Variants in NOPCHAP1 observed in about 807,000 individuals in gnomAD.
The protein encoded by NOPCHAP1 is DNA damage-sensitive RNA 1.
Under a neutral mutation model 14.0 loss-of-function variants are expected in NOPCHAP1, and 13 were observed. The observed-to-expected ratio is 0.93, with a 90% confidence interval of 0.60 to 1.47. The LOEUF (loss-of-function observed/expected upper bound fraction) is 1.47. Among genes scored for constraint, NOPCHAP1 ranks in the 40% most tolerant of loss-of-function variants. The pLI, the probability that NOPCHAP1 is intolerant of heterozygous loss-of-function variation, is 0.00. For missense variants in NOPCHAP1, 230 were observed against 226.9 expected (o/e 1.01, Z -0.09); for synonymous variants, 78 against 78.4 (o/e 1.00, Z 0.03).
rs1873568204 is a variant in NOPCHAP1, at chr12:104,999,562, G to A, written c.*4866G>A. 1 of 152,388 alleles carries A rather than the reference G, an allele frequency of 6.6e-6. No individual in the cohort carries two copies. The highest frequency in any genetic ancestry group is 1.9e-4 in the East Asian group (1 of 5,202). 9.4% of individuals were successfully genotyped at this position (152,388 alleles called of 1,614,324 possible). A position where few individuals can be genotyped will look rare whatever the true frequency, so the allele number is the denominator to read the frequency against. ...TTTTCAAGTCTGATAGTTCCTCTAG[G>A]GTTGAAGTCTCTTAGGGGAGCAAGG... On this transcript the variant is annotated 3_prime_UTR_variant, in exon 4 of 4. Transcript: ENST00000552951.
intron 3 of NOPCHAP1, among the ~76,000 whole-genome samples, chr12:104,993,374 A>C (rs556977382): frequency 2.4e-4 from 36 of 152,000 alleles, no homozygotes; most frequent in South Asian, 4.2e-4. Flanking sequence ...GGGAAAAAAA[A>C]CCTCCAGGAT....
chr12:104,997,996 T>C lies in NOPCHAP1; in HGVS notation c.*3300T>C, dbSNP rs535752087. 2.0e-5 allele frequency: 3 copies of C among 152,378 alleles called. No homozygotes were observed. Among genetic ancestry groups the C allele is most frequent in the African/African-American group, 7.2e-5 (3 of 41,596 alleles). The allele number at this position is 152,378 out of a possible 1,614,324, so 9.4% of individuals were successfully genotyped here. ...TTTGGTCAATTCTGCTGTTAATACT[T>C]GTGATTGCATTATGCAATTCTTGTA... On this transcript the variant is annotated 3_prime_UTR_variant, in exon 4 of 4. Coordinates refer to ENST00000552951, the MANE Select transcript of NOPCHAP1 (RefSeq NM_152318.3).
chr12:104,991,455 T>C (rs1256631651), intron 2 of NOPCHAP1, among the ~76,000 whole-genome samples: 1 of 152,204 alleles, frequency 6.6e-6, no homozygotes, highest in Non-Finnish European at 1.5e-5. Flanking sequence ...AGTTACTATT[T>C]GTTGAATGCC....
Position 105,007,291 on chromosome 12 carries a change from A to T in NOPCHAP1, c.*12595A>T, listed in dbSNP as rs1290937951. 2 of 152,202 alleles carry T rather than the reference A, an allele frequency of 1.3e-5. No individual in the cohort carries two copies. Among genetic ancestry groups the T allele is most frequent in the African/African-American group, 2.4e-5 (1 of 41,444 alleles). The allele number at this position is 152,202 out of a possible 1,614,324, so 9.4% of individuals were successfully genotyped here. ...CTAGCGTAGCTGCAGCAATGGCTTC[A>T]CAAATTTCCTTTTCTTTTTAACAAT... On this transcript the variant is annotated 3_prime_UTR_variant, in exon 4 of 4. Transcript: ENST00000552951.
chr12:104,987,254 AAACT>A (rs1266156735), intron 1 of NOPCHAP1, among the ~76,000 whole-genome samples: 3 of 152,240 alleles, frequency 2.0e-5, no homozygotes, highest in South Asian at 4.1e-4. Context: ...TATGCCCCAG[AAACT>A]AACTCATCTA....
chr12:104,997,824 C>T lies in NOPCHAP1; in HGVS notation c.*3128C>T, dbSNP rs1873528039. 1 of 152,210 alleles carries T rather than the reference C, an allele frequency of 6.6e-6. No individual in the cohort carries two copies. The highest frequency in any genetic ancestry group is 2.1e-4 in the South Asian group (1 of 4,826). The allele number at this position is 152,210 out of a possible 1,614,324, so 9.4% of individuals were successfully genotyped here. A position where few individuals can be genotyped will look rare whatever the true frequency, so the allele number is the denominator to read the frequency against. ...AAAGTTGCTTGGTTTCTCTCCCTTT[C>T]AGTCACATCAATGAGTCATAGATTG... On this transcript the variant is annotated 3_prime_UTR_variant, in exon 4 of 4. Transcript: ENST00000552951.
intron 3 of NOPCHAP1, 110 bp downstream of exon 3, chr12:104,991,958 A>G: frequency 1.6e-6 from 2 of 1,255,138 alleles, no homozygotes; most frequent in Non-Finnish European, 1.1e-6. Context: ...GTGTTAGCTC[A>G]TGTTTCCAAT....
rs1873638311 is a variant in NOPCHAP1, at chr12:105,002,934, A to T, written c.*8238A>T. On this transcript the variant is annotated 3_prime_UTR_variant, in exon 4 of 4. Coordinates refer to ENST00000552951, the MANE Select transcript of NOPCHAP1 (RefSeq NM_152318.3). Reference sequence around the variant, plus strand: ...GCATTTGTCTAACTTGCCTTTTCTCATTATCTTTAGAATGAAAGAGTAGTT... The same window carrying T: ...GCATTTGTCTAACTTGCCTTTTCTCTTTATCTTTAGAATGAAAGAGTAGTT... 6.6e-6 allele frequency: 1 copy of T among 152,226 alleles called. No individual in the cohort carries two copies. The highest frequency in any genetic ancestry group is 6.5e-5 in the Admixed American group (1 of 15,288). The allele number at this position is 152,226 out of a possible 1,614,324, so 9.4% of individuals were successfully genotyped here. A position where few individuals can be genotyped will look rare whatever the true frequency, so the allele number is the denominator to read the frequency against.
chr12:105,000,492 C>G lies in NOPCHAP1; in HGVS notation c.*5796C>G, dbSNP rs1163764706. On this transcript the variant is annotated 3_prime_UTR_variant, in exon 4 of 4. Transcript: ENST00000552951. ...GCAAATTATGGTCCTATGGATTTTC[C>G]TGTAAGGAAAAGGAAAGATTAAGAC... 6.6e-6 allele frequency: 1 copy of G among 151,916 alleles called. No homozygotes were observed. The highest frequency in any genetic ancestry group is 2.4e-5 in the African/African-American group (1 of 41,342). The allele number at this position is 151,916 out of a possible 1,614,324, so 9.4% of individuals were successfully genotyped here.
intron 2 of NOPCHAP1, among the ~76,000 whole-genome samples, chr12:104,989,132 A>G (rs796747929): frequency 4.6e-5 from 7 of 151,842 alleles, no homozygotes; most frequent in African/African-American, 1.7e-4. Flanking sequence ...TAGCTGTTCT[A>G]GTGTGGATAT....
chr12:104,997,628 T>G lies in NOPCHAP1; in HGVS notation c.*2932T>G, dbSNP rs1235315633. On this transcript the variant is annotated 3_prime_UTR_variant, in exon 4 of 4. Transcript: ENST00000552951. ...ACTTGCCCCTTCTCTCTCACTGCCT[T>G]TAGCATTTTTTCTTTCATTTCCACC... 6.6e-6 allele frequency: 1 copy of G among 152,230 alleles called. No individual in the cohort carries two copies. Among genetic ancestry groups the G allele is most frequent in the Non-Finnish European group, 1.5e-5 (1 of 68,048 alleles). 9.4% of individuals were successfully genotyped at this position (152,230 alleles called of 1,614,324 possible). A position where few individuals can be genotyped will look rare whatever the true frequency, so the allele number is the denominator to read the frequency against.
chr12:104,994,499 A>G lies in NOPCHAP1; in HGVS notation c.361A>G (p.Asn121Asp). 6.2e-7 allele frequency: 1 copy of G among 1,614,056 alleles called. No homozygotes were observed. The highest frequency in any genetic ancestry group is 8.5e-7 in the Non-Finnish European group (1 of 1,179,984). Residue 121 changes from asparagine to aspartate, a missense_variant, in exon 4 of 4, where the codon AAT (asparagine) becomes GAT (aspartate). Transcript: ENST00000552951. ...GCAGGATGTGGCTTTGTTTGAGATG[A>G]ATCAGTCGGATTCAAAAGAAGTGGA... Reference protein sequence around the residue: ...IQMDVALFEMNQSDSKEVDSS... With the variant: ...IQMDVALFEMDQSDSKEVDSS...
rs571863852 is a variant in NOPCHAP1, at chr12:104,994,469, T to C, written c.340-9T>C. 56 of 1,613,088 alleles carry C rather than the reference T, an allele frequency of 3.5e-5. 1 individual carries two copies. In the South Asian group the frequency reaches 6.0e-4, roughly 17 times the overall value. ...CTGAAATAGATTTCCTGTCCACTAC[T>C]TTTTGCAGGATGTGGCTTTGTTTGA... On this transcript the variant is annotated splice_polypyrimidine_tract_variant and intron_variant, in intron 3 of 3. Transcript: ENST00000552951.
At position 104,991,785 on chromosome 12, in the gene NOPCHAP1, TG is replaced by T. The variant is rs1238890903; in HGVS notation, c.277del (p.Ala93HisfsTer28). The T allele has an allele frequency of 6.2e-7, 1 of 1,613,726 alleles. No individual in the cohort carries two copies. The highest frequency in any genetic ancestry group is 2.2e-5 in the East Asian group (1 of 44,842). On this transcript the variant is annotated frameshift_variant, in exon 3 of 4. Transcript: ENST00000552951. LOFTEE classifies it high-confidence loss of function. ...NEKLRKEMAA[A>X]PPGRFNIENI... ...AAAAGCTAAGAAAAGAAATGGCAGC[TG>T]CACCACCTGGTCGTTTCAATATTGA...
intron 2 of NOPCHAP1, among the ~76,000 whole-genome samples, chr12:104,989,862 CTTCTATATTGTCTAATCTGTTAA>C (rs1251810108): frequency 6.6e-6 from 1 of 152,050 alleles, no homozygotes; most frequent in Non-Finnish European, 1.5e-5. Context: ...GTTCACTATT[CTTCTATATTGTCTAATCTGTTAA>C]TTCTATCAAA....
At position 105,003,780 on chromosome 12, in the gene NOPCHAP1, A is replaced by G. The variant is rs1209733358; in HGVS notation, c.*9084A>G. 3 of 152,254 alleles carry G rather than the reference A, an allele frequency of 2.0e-5. No homozygotes were observed. Among genetic ancestry groups the G allele is most frequent in the Non-Finnish European group, 4.4e-5 (3 of 68,036 alleles). 9.4% of individuals were successfully genotyped at this position (152,254 alleles called of 1,614,324 possible). A position where few individuals can be genotyped will look rare whatever the true frequency, so the allele number is the denominator to read the frequency against. ...TCTGTGGCACAGAGAGTATGCTTTT[A>G]TAAGTATAAATTGAACTTGGAAGTA... On this transcript the variant is annotated 3_prime_UTR_variant, in exon 4 of 4. Transcript: ENST00000552951.
chr12:104,990,993 G>A (rs370661956), intron 2 of NOPCHAP1, among the ~76,000 whole-genome samples: 23 of 152,290 alleles, frequency 1.5e-4, no homozygotes, highest in African/African-American at 1.9e-4. Context: ...AATCTAGAGC[G>A]TACTCTTCCC....
Position 105,003,017 on chromosome 12 carries a change from C to T in NOPCHAP1, c.*8321C>T, listed in dbSNP as rs549337307. The T allele has an allele frequency of 3.3e-5, 5 of 152,124 alleles. No homozygotes were observed. The highest frequency in any genetic ancestry group is 7.4e-5 in the Non-Finnish European group (5 of 68,018). 9.4% of individuals were successfully genotyped at this position (152,124 alleles called of 1,614,324 possible). ...GGTAAAGATGGGTAAAGAGAAAGAA[C>T]AAAACAGGTTTGAATCAGTCAAGAT... On this transcript the variant is annotated 3_prime_UTR_variant, in exon 4 of 4. Transcript: ENST00000552951.
rs1422146254 is a variant in NOPCHAP1 at position 104,997,055 on chromosome 12, C to G, written c.*2359C>G. On this transcript the variant is annotated 3_prime_UTR_variant, in exon 4 of 4. Coordinates refer to ENST00000552951, the MANE Select transcript of NOPCHAP1 (RefSeq NM_152318.3). The stretch of plus-strand genomic sequence containing the variant: ...CTTTATCCAAGTTGCCACACTGTTT[C>G]TTTTGATTGGGGCATTTAGCCCATT... 1.3e-5 allele frequency: 2 copies of G among 152,104 alleles called. No homozygotes were observed. The highest frequency in any genetic ancestry group is 4.8e-5 in the African/African-American group (2 of 41,406). 9.4% of individuals were successfully genotyped at this position (152,104 alleles called of 1,614,324 possible). A position where few individuals can be genotyped will look rare whatever the true frequency, so the allele number is the denominator to read the frequency against.
Sources: allele counts gnomAD v4.1 joint callset (sites outside exome capture counted in the v4.1 genomes callset), GRCh38; gene constraint gnomAD v4.1.1; transcripts MANE v1.5; gene names NCBI Gene and HGNC (gene_info 2026-07-23, HGNC 2026-07-21).